The following HOPX variants were observed in gnomAD, a reference collection of about 807,000 sequenced individuals.
HOPX encodes homeodomain-only protein.
Under a neutral mutation model 11.8 loss-of-function variants are expected in HOPX, and 5 were observed. The ratio of observed to expected loss-of-function variants is 0.43; its 90% CI spans 0.22 to 0.89. The LOEUF (loss-of-function observed/expected upper bound fraction) is 0.89, where lower values mean the gene tolerates loss of function less well. HOPX is among the 40% of genes least tolerant of loss of function. The pLI is 0.28. For missense variants in HOPX, 119 were observed against 120.0 expected, an observed-to-expected ratio of 0.99 and a Z score of 0.04; for synonymous variants, 49 against 49.7, an observed-to-expected ratio of 0.99 and a Z score of 0.06.
At chr4:56,654,243 T>G (rs1327438615) in intron 3 of HOPX, among the ~76,000 whole-genome samples, 1 of 152,210 alleles carries the variant, frequency 6.6e-6, no homozygotes, top group Non-Finnish European at 1.5e-5. Flanking sequence ...AATGATGTAC[T>G]ACTTGGACAG....
rs1301110531 is a variant in HOPX, at chr4:56,648,188, C to T, written c.*532G>A. The T allele has an allele frequency of 6.6e-6, 1 of 152,056 alleles. No individual in the cohort carries two copies. Among genetic ancestry groups the T allele is most frequent in the Non-Finnish European group, 1.5e-5 (1 of 68,036 alleles). The allele number at this position is 152,056 out of a possible 1,614,324, so 9.4% of individuals were successfully genotyped here. A position where few individuals can be genotyped will look rare whatever the true frequency, so the allele number is the denominator to read the frequency against. On this transcript the variant is annotated 3_prime_UTR_variant, in exon 4 of 4. Coordinates refer to ENST00000420433, the MANE Select transcript of HOPX (RefSeq NM_032495.6). ...GTCTTCTGGCCCAACAGGCTTCTTT[C>T]CAAGTTAATGCAGCTATATTCCAAG...
intron 3 of HOPX, chr4:56,649,841 C>G (rs2109449398): frequency 6.7e-6 from 1 of 149,876 alleles, no homozygotes; most frequent in East Asian, 1.9e-4. Flanking sequence ...GGGTCTGGAC[C>G]AGGTTGATCA....
chr4:56,656,119 C>A, intron 2 of HOPX, 107 bp from the exon 3 acceptor site: 9 of 1,278,734 alleles, frequency 7.0e-6, no homozygotes, highest in Non-Finnish European at 8.0e-6. Flanking sequence ...CCCAGGCCGC[C>A]CCCTCCAGCG....
intron 1 of HOPX, among the ~76,000 whole-genome samples, chr4:56,678,360 G>A (rs922705374): frequency 2.0e-5 from 3 of 151,100 alleles, no homozygotes; most frequent in African/African-American, 7.4e-5. Context: ...ACTCACCTGG[G>A]GAACTTTAAA....
chr4:56,666,224 G>A (rs1377479169), intron 1 of HOPX, among the ~76,000 whole-genome samples: 1 of 152,214 alleles, frequency 6.6e-6, no homozygotes, highest in Non-Finnish European at 1.5e-5. Context: ...TTGAAAGATG[G>A]CATTATGTGA....
At chr4:56,669,345 T>A (rs183966712) in intron 1 of HOPX, among the ~76,000 whole-genome samples, 1 of 152,154 alleles carries the variant, frequency 6.6e-6, no homozygotes, top group African/African-American at 2.4e-5. Context: ...GTTGAGTTAA[T>A]GTGATCATAT....
intron 1 of HOPX, among the ~76,000 whole-genome samples, chr4:56,667,519 C>A (rs1718504672): frequency 6.6e-6 from 1 of 152,128 alleles, no homozygotes; most frequent in Admixed American, 6.6e-5. Context: ...ATTAGCACAA[C>A]CGTATTGACA....
At chr4:56,656,520 C>A in intron 2 of HOPX, 3 of 979,514 alleles carry the variant, frequency 3.1e-6, no homozygotes, top group Non-Finnish European at 3.6e-6. Flanking sequence ...GGCCTTCTGT[C>A]TCCGCAGTGG....
At chr4:56,656,413 C>G in intron 2 of HOPX, 2 of 991,868 alleles carry the variant, frequency 2.0e-6, no homozygotes, top group Non-Finnish European at 2.4e-6. Context: ...AAACTTCCTC[C>G]CGAAAGGGGG....
intron 1 of HOPX, chr4:56,680,954 T>C: frequency 1.1e-6 from 1 of 880,406 alleles, no homozygotes; most frequent in South Asian, 5.2e-5. Context: ...TTCAAAGTTA[T>C]CTTTCCAAAA....
intron 1 of HOPX, among the ~76,000 whole-genome samples, chr4:56,671,202 C>T (rs528678138): frequency 1.3e-5 from 2 of 151,982 alleles, no homozygotes; most frequent in Non-Finnish European, 2.9e-5. Flanking sequence ...CTGGGTTCTA[C>T]GGTATTTTTG....
chr4:56,650,786 T>C (rs1411248072), intron 3 of HOPX: 8 of 1,550,526 alleles, frequency 5.2e-6, no homozygotes, highest in Non-Finnish European at 7.0e-6. Context: ...GGTGCCATAT[T>C]TTGCTCCTGG....
chr4:56,653,203 G>T (rs1229086685), intron 3 of HOPX, among the ~76,000 whole-genome samples: 2 of 151,880 alleles, frequency 1.3e-5, no homozygotes, highest in African/African-American at 4.8e-5. Flanking sequence ...ACACCTGTTT[G>T]ATTTTTTTAC....
chr4:56,652,291 G>A (rs1045549814), intron 3 of HOPX, among the ~76,000 whole-genome samples: 9 of 152,078 alleles, frequency 5.9e-5, no homozygotes, highest in Non-Finnish European at 1.2e-4. Context: ...CCCAAGTATC[G>A]GCCCTGTGAA....
rs1267372062 is a variant in HOPX at position 56,657,303 on chromosome 4, CA to C, written c.42+471del. Among the ~76,000 whole-genome samples the C allele has an allele frequency of 2.6e-5, 4 of 152,142 alleles. No individual in the cohort carries two copies. The East Asian group carries it at 7.7e-4, about 29-fold the overall frequency. ...TGTCGCTGACAGTAAAAGACAAGGG[CA>C]AGTGTGGGAATCACGTTGGTTTGTT... On this transcript the variant is annotated intron_variant, in intron 2 of 3. Coordinates refer to ENST00000420433, the MANE Select transcript of HOPX (RefSeq NM_032495.6).
At chr4:56,670,458 T>C (rs1349663390) in intron 1 of HOPX, among the ~76,000 whole-genome samples, 3 of 152,188 alleles carry the variant, frequency 2.0e-5, no homozygotes, top group Non-Finnish European at 2.9e-5. Context: ...ATCAACTTTC[T>C]AAATAGTTTG....
chr4:56,661,918 T>C (rs1718159238), intron 1 of HOPX, among the ~76,000 whole-genome samples: 1 of 152,240 alleles, frequency 6.6e-6, no homozygotes, highest in South Asian at 2.1e-4. Flanking sequence ...GTCTGTATCA[T>C]GCTAAAAACG....
Position 56,650,747 on chromosome 4 carries a change from G to C in HOPX, c.199-1950C>G, listed in dbSNP as rs751439842. On this transcript the variant is annotated intron_variant, in intron 3 of 3. Transcript: ENST00000420433. ...CCAAGCACGGCAGACTATCATGGGGGTAGCCTTCTCTTTGGGGGCTACTTT... is the reference window on the plus strand; with the variant it reads ...CCAAGCACGGCAGACTATCATGGGGCTAGCCTTCTCTTTGGGGGCTACTTT... 209 of 1,551,404 alleles carry C rather than the reference G, an allele frequency of 1.3e-4. 1 individual carries two copies. In the South Asian group the frequency reaches 2.3e-3, roughly 17 times the overall value.
chr4:56,663,517 G>C (rs934420442), intron 1 of HOPX: 2 of 151,956 alleles, frequency 1.3e-5, no homozygotes, highest in African/African-American at 4.8e-5. Flanking sequence ...ACAGAGTCTC[G>C]CACTGTCCCA....
Sources: allele counts gnomAD v4.1 joint callset (sites outside exome capture counted in the v4.1 genomes callset), GRCh38; gene constraint gnomAD v4.1.1; transcripts MANE v1.5; gene names NCBI Gene and HGNC (gene_info 2026-07-23, HGNC 2026-07-21).